The following CTNND2 variants were observed in gnomAD, a reference collection of about 807,000 sequenced individuals.
CTNND2 encodes catenin delta 2, also known as catenin delta-2.
Under a neutral mutation model 144.4 loss-of-function variants are expected in CTNND2, and 22 were observed. The observed-to-expected ratio is 0.15, with a 90% CI of 0.11 to 0.22. CTNND2 has a LOEUF of 0.22. Among genes scored for constraint, CTNND2 ranks in the 10% least tolerant of loss-of-function variants. The pLI is 1.00. For missense variants in CTNND2, 1,353 were observed against 1,618.8 expected, an observed-to-expected ratio of 0.84 and a Z score of 2.82; for synonymous variants, 751 against 695.6, an observed-to-expected ratio of 1.08 and a Z score of -1.25.
At position 11,207,327 on chromosome 5, in the gene CTNND2, T is replaced by A. The variant is rs1738153368; in HGVS notation, c.1762-7666A>T. Among the ~76,000 whole-genome samples the A allele has an allele frequency of 4.6e-5, 7 of 151,426 alleles. 1 individual carries two copies. Among genetic ancestry groups the A allele is most frequent in the Admixed American group, 4.6e-4 (7 of 15,202 alleles). On this transcript the variant is annotated intron_variant, in intron 10 of 21. Transcript: ENST00000304623. ...GTGCAGAAAACCAACATGGCATGTGTATATCTATGTAACAGACATGCAAGT... is the reference window on the plus strand; with the variant it reads ...GTGCAGAAAACCAACATGGCATGTGAATATCTATGTAACAGACATGCAAGT...
chr5:11,818,115 G>A (rs549948726), intron 1 of CTNND2, among the ~76,000 whole-genome samples: 6 of 150,478 alleles, frequency 4.0e-5, no homozygotes, highest in East Asian at 2.0e-4. Context: ...ACGACAGTGC[G>A]GAAATCAATC....
intron 8 of CTNND2, among the ~76,000 whole-genome samples, chr5:11,358,665 T>C (rs1055843797): frequency 4.6e-5 from 7 of 152,238 alleles, no homozygotes; most frequent in African/African-American, 1.7e-4. Flanking sequence ...AGTAATAAGA[T>C]TTTATGAATA....
chr5:11,252,833 T>C (rs1254007223), intron 9 of CTNND2, among the ~76,000 whole-genome samples: 2 of 152,178 alleles, frequency 1.3e-5, no homozygotes, highest in Non-Finnish European at 2.9e-5. Flanking sequence ...TCCTCAGTAA[T>C]TTCATGAGGA....
At chr5:11,023,208 C>A (rs540651121) in intron 16 of CTNND2, among the ~76,000 whole-genome samples, 1 of 152,302 alleles carries the variant, frequency 6.6e-6, no homozygotes, top group East Asian at 1.9e-4. Flanking sequence ...GACCTGGGAT[C>A]AAATCACTGG....
chr5:11,696,983 T>C (rs530778133), intron 2 of CTNND2, among the ~76,000 whole-genome samples: 10 of 151,790 alleles, frequency 6.6e-5, no homozygotes, highest in East Asian at 3.9e-4. Context: ...TTTTAAATGA[T>C]AGATATTCAG....
intron 12 of CTNND2, among the ~76,000 whole-genome samples, chr5:11,151,543 A>C (rs1251144494): frequency 6.6e-6 from 1 of 152,234 alleles, no homozygotes; most frequent in Non-Finnish European, 1.5e-5. Flanking sequence ...AAAAATCCAA[A>C]TATTCATGTC....
At chr5:11,832,227 G>A (rs1423927368) in intron 1 of CTNND2, among the ~76,000 whole-genome samples, 1 of 152,048 alleles carries the variant, frequency 6.6e-6, no homozygotes, top group Non-Finnish European at 1.5e-5. Context: ...AGCTTGCAGT[G>A]AGCTGAGATC....
chr5:11,329,977 T>G (rs1318360113), intron 9 of CTNND2, among the ~76,000 whole-genome samples: 2 of 152,164 alleles, frequency 1.3e-5, no homozygotes, highest in East Asian at 3.9e-4. Flanking sequence ...TCATTCCTTG[T>G]AGTCTGTAAG....
chr5:11,078,667 T>C (rs1749206385), intron 16 of CTNND2, among the ~76,000 whole-genome samples: 1 of 152,178 alleles, frequency 6.6e-6, no homozygotes, highest in African/African-American at 2.4e-5. Flanking sequence ...GTAGTTAGTA[T>C]CCAGGCAGTA....
At chr5:11,477,185 T>C (rs1451906445) in intron 3 of CTNND2, among the ~76,000 whole-genome samples, 1 of 152,200 alleles carries the variant, frequency 6.6e-6, no homozygotes, top group Non-Finnish European at 1.5e-5. Context: ...TATCCCACAA[T>C]TATCACGGCA....
At chr5:11,541,257 G>A (rs1235990512) in intron 3 of CTNND2, among the ~76,000 whole-genome samples, 1 of 152,144 alleles carries the variant, frequency 6.6e-6, no homozygotes, top group African/African-American at 2.4e-5. Context: ...CTTCCTAGGC[G>A]ATTCTAATAT....
At chr5:11,071,338 G>A (rs1748261211) in intron 16 of CTNND2, among the ~76,000 whole-genome samples, 1 of 152,138 alleles carries the variant, frequency 6.6e-6, no homozygotes, top group Non-Finnish European at 1.5e-5. Context: ...GGGAGTTCAA[G>A]ACCAGTCTGG....
At chr5:11,032,050 T>C (rs114717582) in intron 16 of CTNND2, among the ~76,000 whole-genome samples, 3,965 of 152,330 alleles carry the variant, frequency 0.026, 72 homozygotes, top group Middle Eastern at 0.065. Context: ...CTTTCATATA[T>C]ACATATATCC....
intron 8 of CTNND2, among the ~76,000 whole-genome samples, chr5:11,357,590 G>A (rs1343170451): frequency 6.6e-6 from 1 of 152,004 alleles, no homozygotes; most frequent in Non-Finnish European, 1.5e-5. Flanking sequence ...CGATGAGATA[G>A]GAAAAGTGAA....
At chr5:11,713,191 T>C (rs1786134200) in intron 2 of CTNND2, among the ~76,000 whole-genome samples, 1 of 152,236 alleles carries the variant, frequency 6.6e-6, no homozygotes, top group African/African-American at 2.4e-5. Context: ...ATTTCACAAA[T>C]AACATTTGTT....
intron 2 of CTNND2, among the ~76,000 whole-genome samples, chr5:11,690,677 A>G (rs1784863140): frequency 7.3e-6 from 1 of 136,778 alleles, no homozygotes; most frequent in South Asian, 2.6e-4. Context: ...TGGAGCTTGC[A>G]GTGAGCCGAG....
At chr5:11,268,037 C>A (rs1745632726) in intron 9 of CTNND2, among the ~76,000 whole-genome samples, 1 of 152,170 alleles carries the variant, frequency 6.6e-6, no homozygotes. Context: ...CCAAAAGTGG[C>A]AATGGTAGAA....
chr5:11,774,429 C>T (rs1051796378), intron 1 of CTNND2, among the ~76,000 whole-genome samples: 2 of 147,582 alleles, frequency 1.4e-5, no homozygotes, highest in Non-Finnish European at 1.5e-5. Flanking sequence ...AGGGATAGCA[C>T]TGGGAGATAT....
At chr5:11,766,654 CT>C (rs1430765455) in intron 1 of CTNND2, among the ~76,000 whole-genome samples, 6 of 152,124 alleles carry the variant, frequency 3.9e-5, no homozygotes, top group African/African-American at 1.4e-4. Flanking sequence ...TGAAAACTAA[CT>C]AATATAGGTG....
Sources: gnomAD v4.1 joint callset for allele counts (sites outside exome capture counted in the v4.1 genomes callset) on GRCh38, gnomAD v4.1.1 for gene constraint, MANE v1.5 for transcripts, NCBI Gene and HGNC (gene_info 2026-07-23, HGNC 2026-07-21) for gene names.